The following COL11A1 variants were observed in gnomAD, a reference collection of about 807,000 sequenced individuals.
The protein encoded by COL11A1 is collagen type XI alpha 1 chain.
COL11A1 carries 74 observed loss-of-function variants against 265.2 expected under a neutral mutation model. That is an observed-to-expected ratio of 0.28 (90% confidence interval 0.23 to 0.34). The LOEUF (loss-of-function observed/expected upper bound fraction) is 0.34, where lower values mean the gene tolerates loss of function less well. Among genes scored for constraint, COL11A1 ranks in the 10% least tolerant of loss-of-function variants. The probability of loss-of-function intolerance (pLI) is 1.00; values close to 1 mark genes in which losing one functional copy is unlikely to be tolerated. For missense variants in COL11A1, 2,165 were observed against 2,263.6 expected (o/e 0.96, Z 0.88); for synonymous variants, 816 against 727.6 (o/e 1.12, Z -1.96).
chr1:102,953,732 A>G (rs370083204), intron 41 of COL11A1, among the ~76,000 whole-genome samples: 1 of 152,222 alleles, frequency 6.6e-6, no homozygotes, highest in South Asian at 2.1e-4. Flanking sequence ...ATACATTAAT[A>G]AATGAATATC....
chr1:103,082,595 A>T (rs1406402587), intron 2 of COL11A1, among the ~76,000 whole-genome samples: 6 of 151,802 alleles, frequency 4.0e-5, no homozygotes, highest in Admixed American at 6.6e-5. Context: ...CAATTATCAA[A>T]TTTTTTGTTA....
chr1:102,884,708 G>A (rs1241184), intron 63 of COL11A1: 98,915 of 152,046 alleles, frequency 0.65, 35,499 homozygotes, highest in Middle Eastern at 0.8. Flanking sequence ...CCCCAAGGGA[G>A]GAATCAGGCG....
chr1:102,984,640 T>C (rs1463035), intron 30 of COL11A1, among the ~76,000 whole-genome samples: 28,436 of 151,962 alleles, frequency 0.19, 2,724 homozygotes, highest in Middle Eastern at 0.27. Context: ...CCAGTCTAAA[T>C]ATAAAACAAG....
At chr1:103,071,994 G>A (rs1394955861) in intron 4 of COL11A1, among the ~76,000 whole-genome samples, 1 of 151,292 alleles carries the variant, frequency 6.6e-6, no homozygotes, top group Non-Finnish European at 1.5e-5. Context: ...AACTGATATA[G>A]AGTAATTATA....
chr1:102,935,046 T>G lies in COL11A1; in HGVS notation c.3492+14A>C. The G allele has an allele frequency of 6.2e-7, 1 of 1,613,114 alleles. No homozygotes were observed. The highest frequency in any genetic ancestry group is 8.5e-7 in the Non-Finnish European group (1 of 1,179,188). On this transcript the variant is annotated intron_variant, in intron 45 of 66. Transcript: ENST00000370096. ...GTAAGGATTTAGATTTGCTGAACAA[T>G]GTGGAATACTCACAGCAATTCCAGG...
intron 37 of COL11A1, among the ~76,000 whole-genome samples, chr1:102,965,853 A>G (rs1661353388): frequency 6.6e-6 from 1 of 152,174 alleles, no homozygotes. Context: ...AGTAATGTTT[A>G]TGGATGAAGT....
chr1:103,044,682 T>C (rs1201244209), intron 4 of COL11A1, among the ~76,000 whole-genome samples: 1 of 152,130 alleles, frequency 6.6e-6, no homozygotes. Flanking sequence ...ATAGATGACC[T>C]ATACCCTTTG....
At position 103,049,363 on chromosome 1, in the gene COL11A1, T is replaced by C. The variant is rs369440147; in HGVS notation, c.652-18119A>G. Among the ~76,000 whole-genome samples, 6 of 152,330 alleles carry C rather than the reference T, an allele frequency of 3.9e-5. No individual in the cohort carries two copies. The East Asian group carries it at 9.7e-4, about 25-fold the overall frequency. On this transcript the variant is annotated intron_variant, in intron 4 of 66. Transcript: ENST00000370096. ...CTTTACCATTATGTAATGGCCTTCT[T>C]TGTCTCTTTTGATCTTTGTTGGTTT...
intron 63 of COL11A1, among the ~76,000 whole-genome samples, chr1:102,883,904 C>T (rs1364270267): frequency 1.3e-5 from 2 of 152,004 alleles, no homozygotes; most frequent in Non-Finnish European, 2.9e-5. Flanking sequence ...GCTATTAATG[C>T]CATTGCTGAA....
chr1:103,015,810 C>T, intron 11 of COL11A1, 68 bp from the exon 12 acceptor site: 8 of 1,169,646 alleles, frequency 6.8e-6, no homozygotes, highest in Non-Finnish European at 8.6e-6. Flanking sequence ...ACTAGAATAA[C>T]TTATAACGTA....
At chr1:102,906,783 CTAAAT>C (rs1333269064) in intron 54 of COL11A1, among the ~76,000 whole-genome samples, 2 of 151,618 alleles carry the variant, frequency 1.3e-5, no homozygotes, top group Admixed American at 6.6e-5. Flanking sequence ...GAGTTATTGA[CTAAAT>C]TAACTAGTGC....
chr1:102,977,601 T>C (rs1377883658), intron 35 of COL11A1, among the ~76,000 whole-genome samples: 1 of 152,130 alleles, frequency 6.6e-6, no homozygotes, highest in Non-Finnish European at 1.5e-5. Flanking sequence ...AAACTCACAG[T>C]TGTGCTAATT....
intron 9 of COL11A1, among the ~76,000 whole-genome samples, chr1:103,019,922 C>A (rs1030245516): frequency 6.7e-6 from 1 of 148,356 alleles, no homozygotes; most frequent in Non-Finnish European, 1.5e-5. Context: ...ATGAACTCAT[C>A]ATTTTTTATG....
intron 7 of COL11A1, 94 bp downstream of exon 7, chr1:103,025,427 G>T (rs1485979081): frequency 3.3e-6 from 3 of 896,266 alleles, no homozygotes; most frequent in South Asian, 1.4e-5. Context: ...TCAGATGTTT[G>T]AGAAATTATA....
chr1:102,925,829 A>C (rs1395994309), intron 46 of COL11A1, among the ~76,000 whole-genome samples: 1 of 152,118 alleles, frequency 6.6e-6, no homozygotes, highest in Non-Finnish European at 1.5e-5. Context: ...CTTAAATAGC[A>C]TACACTGCAA....
intron 1 of COL11A1, among the ~76,000 whole-genome samples, chr1:103,101,205 C>T (rs1674239148): frequency 6.6e-6 from 1 of 151,758 alleles, no homozygotes; most frequent in Non-Finnish European, 1.5e-5. Flanking sequence ...AATGGCTGGT[C>T]TTGAGCCTGG....
intron 22 of COL11A1, 104 bp downstream of exon 22, chr1:103,002,643 T>C (rs961548788): frequency 5.1e-6 from 6 of 1,179,778 alleles, no homozygotes; most frequent in Non-Finnish European, 7.5e-6. Context: ...CTAATATACT[T>C]AGCAAAATGT....
At chr1:103,103,103 A>G (rs1304749012) in intron 1 of COL11A1, among the ~76,000 whole-genome samples, 1 of 152,060 alleles carries the variant, frequency 6.6e-6, no homozygotes, top group Non-Finnish European at 1.5e-5. Context: ...AATCCAAAAT[A>G]AAAACCTTTA....
At chr1:102,982,978 C>T (rs1025115583) in intron 31 of COL11A1, among the ~76,000 whole-genome samples, 2 of 152,018 alleles carry the variant, frequency 1.3e-5, no homozygotes, top group Admixed American at 6.6e-5. Flanking sequence ...ATCTCATGTA[C>T]ATATAACTAA....
Sources: allele counts gnomAD v4.1 joint callset (sites outside exome capture counted in the v4.1 genomes callset), GRCh38; gene constraint gnomAD v4.1.1; transcripts MANE v1.5; gene names NCBI Gene and HGNC (gene_info 2026-07-23, HGNC 2026-07-21).